SCLT1: variants seen among roughly 807,000 people sequenced by gnomAD.
The protein encoded by SCLT1 is sodium channel-associated protein 1.
A neutral mutation model predicts 112.8 loss-of-function variants in SCLT1; 78 were observed. The observed-to-expected ratio is 0.69, with a 90% confidence interval of 0.58 to 0.83. The LOEUF (loss-of-function observed/expected upper bound fraction) is 0.83. SCLT1 is among the 40% of genes least tolerant of loss of function. SCLT1 has a pLI of 0.00. For synonymous variants in SCLT1, 257 were observed against 254.7 expected, an observed-to-expected ratio of 1.01 and a Z score of -0.09; for missense variants, 747 against 770.4, an observed-to-expected ratio of 0.97 and a Z score of 0.36.
intron 5 of SCLT1, among the ~76,000 whole-genome samples, chr4:129,012,237 T>C (rs1744595071): frequency 1.3e-5 from 2 of 152,222 alleles, no homozygotes; most frequent in Admixed American, 6.5e-5. Flanking sequence ...TGTATCTTTG[T>C]TCTCATTAGT....
At chr4:128,911,630 ATAG>A (rs1735107858) in intron 18 of SCLT1, among the ~76,000 whole-genome samples, 1 of 152,216 alleles carries the variant, frequency 6.6e-6, no homozygotes, top group Admixed American at 6.5e-5. Flanking sequence ...AGTTTTGACC[ATAG>A]TTACTTATGG....
At chr4:128,974,715 ATAT>A (rs1412439131) in intron 9 of SCLT1, among the ~76,000 whole-genome samples, 1 of 152,104 alleles carries the variant, frequency 6.6e-6, no homozygotes, top group African/African-American at 2.4e-5. Flanking sequence ...AATAATTCTA[ATAT>A]TATTTTATGA....
At chr4:128,964,698 C>T (rs1740025608) in intron 11 of SCLT1, among the ~76,000 whole-genome samples, 1 of 152,042 alleles carries the variant, frequency 6.6e-6, no homozygotes, top group Non-Finnish European at 1.5e-5. Context: ...GTATTATTTG[C>T]AGAAGTACAG....
intron 1 of SCLT1, among the ~76,000 whole-genome samples, chr4:129,085,455 C>A (rs183642092): frequency 1.3e-5 from 2 of 152,230 alleles, no homozygotes; most frequent in Non-Finnish European, 2.9e-5. Flanking sequence ...GACAGTGTGG[C>A]GATTCCTCAA....
At chr4:128,874,395 G>A (rs1200938755) in intron 5 of SCLT1, 1 of 152,278 alleles carries the variant, frequency 6.6e-6, no homozygotes, top group Non-Finnish European at 1.5e-5. Context: ...TGCTAGTTTT[G>A]TGCAAAAATA....
At chr4:129,043,524 A>AT in intron 3 of SCLT1, 57 bp from the exon 4 acceptor site, 1 of 742,626 alleles carries the variant, frequency 1.3e-6, no homozygotes, top group Admixed American at 2.9e-5. Context: ...TAATAAATAT[A>AT]TAACAAGTGA....
In SCLT1 at chr4:129,093,100, C is replaced by G; in HGVS notation, c.4G>C (p.Ala2Pro). 1 of 1,613,478 alleles carries G rather than the reference C, an allele frequency of 6.2e-7. No homozygotes were observed. Among genetic ancestry groups the G allele is most frequent in the East Asian group, 2.2e-5 (1 of 44,884 alleles). Residue 2 changes from alanine to proline, a missense_variant, in exon 1 of 21, where the codon GCT becomes CCT. This residue lies in a region of SCLT1 where 723 missense variants were observed against 721.3 expected (regional missense o/e 1.00). Coordinates refer to ENST00000281142, the MANE Select transcript of SCLT1 (RefSeq NM_144643.4). ...TCTCTCAGAAAGTCGATTTCTGCAGCCATTTCGATACAATTTTAGTTTAGA... is the reference window on the plus strand; with the variant it reads ...TCTCTCAGAAAGTCGATTTCTGCAGGCATTTCGATACAATTTTAGTTTAGA... Reference protein sequence around the residue: MAAEIDFLREQN... With the variant: MPAEIDFLREQN...
At chr4:129,039,343 A>G in intron 4 of SCLT1, 1 of 362,404 alleles carries the variant, frequency 2.8e-6, no homozygotes, top group Non-Finnish European at 5.0e-6. Context: ...AGAAATGTTT[A>G]TAAATGTAAT....
At chr4:128,980,039 C>G (rs1741510218) in intron 9 of SCLT1, among the ~76,000 whole-genome samples, 3 of 152,170 alleles carry the variant, frequency 2.0e-5, no homozygotes, top group African/African-American at 7.2e-5. Context: ...AGAAAACTGA[C>G]AGCAAAGCCC....
chr4:128,945,903 G>C, intron 16 of SCLT1, 104 bp downstream of exon 16: 1 of 625,136 alleles, frequency 1.6e-6, no homozygotes, highest in East Asian at 2.9e-5. Flanking sequence ...TTCAACATAA[G>C]ATATATTGTA....
Position 128,942,967 on chromosome 4 carries a change from T to C in SCLT1, c.1632+29A>G, listed in dbSNP as rs142959990. ...TTCTCTATACTTTGATTTTCATAAG[T>C]ACACATTTAACTCTAGTCTTGAAAA... On this transcript the variant is annotated intron_variant, in intron 17 of 20. Coordinates refer to ENST00000281142, the MANE Select transcript of SCLT1 (RefSeq NM_144643.4). 1.0e-3 allele frequency: 1,574 copies of C among 1,510,524 alleles called. 16 individuals are homozygous for C. In the Admixed American group the frequency reaches 0.017, roughly 16 times the overall value. The allele number at this position is 1,510,524 out of a possible 1,614,324, so 93.6% of individuals were successfully genotyped here. A position where few individuals can be genotyped will look rare whatever the true frequency, so the allele number is the denominator to read the frequency against.
intron 9 of SCLT1, among the ~76,000 whole-genome samples, chr4:128,983,358 A>C (rs190380836): frequency 1.8e-4 from 28 of 152,354 alleles, no homozygotes; most frequent in Admixed American, 1.7e-3. Flanking sequence ...TATATATTAT[A>C]AATAAATGTA....
intron 18 of SCLT1, among the ~76,000 whole-genome samples, chr4:128,918,041 C>T (rs1025691662): frequency 1.3e-5 from 2 of 152,096 alleles, no homozygotes; most frequent in Admixed American, 6.6e-5. Flanking sequence ...ACAGATACAC[C>T]TCAAAATTAA....
At chr4:128,926,191 T>G (rs1736283767) in intron 18 of SCLT1, among the ~76,000 whole-genome samples, 1 of 152,098 alleles carries the variant, frequency 6.6e-6, no homozygotes, top group Admixed American at 6.5e-5. Flanking sequence ...GACCAGCTTG[T>G]TCATTTTGAA....
intron 2 of SCLT1, among the ~76,000 whole-genome samples, chr4:129,069,009 T>A (rs1699385): frequency 0.72 from 109,578 of 152,078 alleles, 41,532 homozygotes; most frequent in South Asian, 0.89. Flanking sequence ...CAATTATCCC[T>A]GCACGATTTG....
At chr4:129,020,271 C>T (rs1745348431) in intron 5 of SCLT1, among the ~76,000 whole-genome samples, 1 of 152,180 alleles carries the variant, frequency 6.6e-6, no homozygotes, top group East Asian at 1.9e-4. Flanking sequence ...GTAAGGTCCT[C>T]CATAAATACA....
chr4:129,028,286 G>A (rs1746327296), intron 5 of SCLT1, among the ~76,000 whole-genome samples: 1 of 152,096 alleles, frequency 6.6e-6, no homozygotes, highest in Admixed American at 6.6e-5. Flanking sequence ...ATACTGCAAG[G>A]CTACAGTAAC....
At chr4:128,896,194 T>A (rs907650277) in intron 18 of SCLT1, among the ~76,000 whole-genome samples, 5 of 152,170 alleles carry the variant, frequency 3.3e-5, no homozygotes, top group African/African-American at 1.2e-4. Flanking sequence ...GAGTAGTGGT[T>A]CTCCCAGCAC....
At chr4:129,028,328 G>C (rs1280219188) in intron 5 of SCLT1, among the ~76,000 whole-genome samples, 2 of 152,020 alleles carry the variant, frequency 1.3e-5, no homozygotes, top group East Asian at 3.9e-4. Flanking sequence ...CCAAAACAGA[G>C]ATATAGATCA....
Sources: gnomAD v4.1 joint callset for allele counts (sites outside exome capture counted in the v4.1 genomes callset) on GRCh38, gnomAD v4.1.1 for gene constraint, gnomAD v4.1.1 regional missense constraint, MANE v1.5 for transcripts, NCBI Gene and HGNC (gene_info 2026-07-23, HGNC 2026-07-21) for gene names.